Variants in ERICH6 observed in about 807,000 individuals in gnomAD.
The protein encoded by ERICH6 is glutamate rich 6.
Under a neutral mutation model 71.0 loss-of-function variants are expected in ERICH6, and 71 were observed. That is an observed-to-expected ratio of 1.00 (90% CI 0.83 to 1.22). ERICH6 has a LOEUF of 1.22. ERICH6 is among the 50% of genes most tolerant of loss of function. The probability of loss-of-function intolerance (pLI) is 0.00; values close to 1 mark genes in which losing one functional copy is unlikely to be tolerated. For synonymous variants in ERICH6, 262 were observed against 278.4 expected (o/e 0.94, Z 0.59); for missense variants, 808 against 797.2 (o/e 1.01, Z -0.16).
At chr3:150,668,307 C>T (rs756610530) in intron 12 of ERICH6, among the ~76,000 whole-genome samples, 1 of 152,122 alleles carries the variant, frequency 6.6e-6, no homozygotes, top group Non-Finnish European at 1.5e-5. Flanking sequence ...ACTCACTACA[C>T]AAGAGGCAGA....
At chr3:150,669,572 T>C in intron 11 of ERICH6, 121 bp from the exon 12 acceptor site, 1 of 1,063,594 alleles carries the variant, frequency 9.4e-7, no homozygotes, top group Middle Eastern at 2.5e-4. Flanking sequence ...AGGTACTATA[T>C]TAATACAAAA....
In ERICH6 at chr3:150,667,378, C is replaced by T. The variant is rs1218958653; in HGVS notation, c.1500-363G>A. Among the ~76,000 whole-genome samples the T allele has an allele frequency of 5.9e-5, 9 of 152,156 alleles. No homozygotes were observed. In the East Asian group the frequency reaches 1.7e-3, roughly 29 times the overall value. On this transcript the variant is annotated intron_variant, in intron 12 of 13. Coordinates refer to ENST00000295910, the MANE Select transcript of ERICH6 (RefSeq NM_152394.5). ...AAGACCAGTGCTTAGATTTTCACCA[C>T]ACCGAAATAAAGACCTGTGGCTGTA...
At chr3:150,682,931 T>A (rs1372881948) in intron 6 of ERICH6, among the ~76,000 whole-genome samples, 1 of 151,974 alleles carries the variant, frequency 6.6e-6, no homozygotes, top group Non-Finnish European at 1.5e-5. Context: ...GATTGGGAGT[T>A]AGGGGCTCAG....
intron 3 of ERICH6, among the ~76,000 whole-genome samples, chr3:150,692,994 T>C (rs1712511648): frequency 1.3e-5 from 2 of 152,258 alleles, no homozygotes; most frequent in South Asian, 4.1e-4. Flanking sequence ...ACTAAACTAA[T>C]AGAAGTCTGA....
chr3:150,681,462 G>A (rs532275752), intron 7 of ERICH6, among the ~76,000 whole-genome samples: 2 of 152,256 alleles, frequency 1.3e-5, no homozygotes, highest in South Asian at 4.1e-4. Flanking sequence ...GGACAGTCGG[G>A]TTGTTTCTAT....
In ERICH6 at chr3:150,703,676, C is replaced by T. The variant is rs190470373; in HGVS notation, c.223G>A (p.Glu75Lys). 8 of 1,613,326 alleles carry T rather than the reference C, an allele frequency of 5.0e-6. No individual in the cohort carries two copies. The Admixed American group carries it at 1.0e-4, about 20-fold the overall frequency. ...TCCGTGACCTTCCAGAGGTACTCTT[C>T]GCTGAACGTCTCAGGGGCCTCCAAC... Reference protein sequence around the residue: ...QELEAPETFSEEYLWKVTDIG... With the variant: ...QELEAPETFSKEYLWKVTDIG... The change falls in exon 1 of 14, where the codon GAA becomes AAA. Residue 75 changes from glutamate (E) to lysine (K), a missense_variant. Around this residue, in one of 3 missense-constraint regions of ERICH6, gnomAD observed 736 missense variants for 712.2 expected, o/e 1.03. Transcript: ENST00000295910.
At chr3:150,661,267 A>G (rs958546812) in intron 13 of ERICH6, among the ~76,000 whole-genome samples, 2 of 152,250 alleles carry the variant, frequency 1.3e-5, no homozygotes, top group African/African-American at 4.8e-5. Context: ...ATGGAGTCTG[A>G]GGTAAACATT....
intron 13 of ERICH6, among the ~76,000 whole-genome samples, chr3:150,665,757 G>C (rs913232390): frequency 6.6e-6 from 1 of 150,668 alleles, no homozygotes; most frequent in Admixed American, 6.6e-5. Context: ...GAACCTGGGA[G>C]GTGGAGGTTG....
chr3:150,667,740 C>A (rs866621441), intron 12 of ERICH6, among the ~76,000 whole-genome samples: 1 of 152,124 alleles, frequency 6.6e-6, no homozygotes. Context: ...ACCATCCCCA[C>A]CTTGAGGAGA....
Position 150,674,023 on chromosome 3 carries a change from A to C in ERICH6, c.1276T>G (p.Leu426Val), listed in dbSNP as rs73003074. 237,899 of 1,613,068 alleles carry C rather than the reference A, an allele frequency of 0.15. 18,390 individuals carry two copies. The highest frequency in any genetic ancestry group is 0.24 in the African/African-American group (17,872 of 74,958). The part of the protein sequence containing the change: ...ACGKVVRNEL[L>V]EKHYKHGSKF... ...CTCCCATGTTTGTAGTGCTTCTCTA[A>C]GAGCTCATTCCTGACAACCTATACA... The change falls in exon 11 of 14, where the codon TTA becomes GTA. Residue 426 changes from leucine (L) to valine (V), a missense_variant. Physicochemically the swap from Leu to Val is conservative, Grantham distance 32. Around this residue, in one of 3 missense-constraint regions of ERICH6, gnomAD observed 736 missense variants for 712.2 expected, o/e 1.03. Coordinates refer to ENST00000295910, the MANE Select transcript of ERICH6 (RefSeq NM_152394.5).
intron 3 of ERICH6, among the ~76,000 whole-genome samples, chr3:150,687,859 T>A (rs1712261025): frequency 2.7e-5 from 4 of 149,734 alleles, no homozygotes; most frequent in Admixed American, 2.6e-4. Flanking sequence ...AGCTCATGCC[T>A]GTAATCCCAG....
Position 150,703,583 on chromosome 3 carries a change from G to C in ERICH6, c.316C>G (p.Leu106Val). The C allele has an allele frequency of 1.2e-6, 2 of 1,613,994 alleles. No homozygotes were observed. The highest frequency in any genetic ancestry group is 1.7e-6 in the Non-Finnish European group (2 of 1,179,998). The change falls in exon 1 of 14, where the codon CTG becomes GTG. Residue 106 changes from leucine (L) to valine (V), a missense_variant. Transcript: ENST00000295910. ...PRLASIVSPS[L>V]TSTFVPSQSA... ...TGGCTGGGCACGAACGTAGAGGTCA[G>C]GCTAGGGCTGACGATGCTGGCTAAG...
At chr3:150,678,607 G>A in intron 9 of ERICH6, 53 bp from the exon 10 acceptor site, 1 of 1,416,000 alleles carries the variant, frequency 7.1e-7, no homozygotes, top group Non-Finnish European at 9.4e-7. Flanking sequence ...ATTTTCTAAA[G>A]CCTCTTTTCT....
intron 10 of ERICH6, among the ~76,000 whole-genome samples, chr3:150,676,931 G>C (rs1415051845): frequency 6.6e-6 from 1 of 151,814 alleles, no homozygotes; most frequent in African/African-American, 2.4e-5. Context: ...CTCTGCCTCA[G>C]CCTCCCAAGT....
Position 150,673,945 on chromosome 3 carries a change from A to G in ERICH6, c.1343+11T>C. ...TAAAGCTAATAAAAATAACTTGTTG[A>G]AAGAGGATACAATATTTGTGTTGTC... is the stretch of plus-strand genomic sequence containing the variant. On this transcript the variant is annotated intron_variant, in intron 11 of 13. Coordinates refer to ENST00000295910, the MANE Select transcript of ERICH6 (RefSeq NM_152394.5). 1 of 1,611,068 alleles carries G rather than the reference A, an allele frequency of 6.2e-7. No homozygotes were observed. The highest frequency in any genetic ancestry group is 8.5e-7 in the Non-Finnish European group (1 of 1,178,284).
intron 6 of ERICH6, among the ~76,000 whole-genome samples, chr3:150,683,340 G>A (rs780826873): frequency 6.6e-6 from 1 of 152,200 alleles, no homozygotes; most frequent in Admixed American, 6.5e-5. Flanking sequence ...GATGGAGTAG[G>A]ACAGAAAGAG....
chr3:150,660,535 C>A lies in ERICH6; in HGVS notation c.1729-380G>T, dbSNP rs568057089. Among the ~76,000 whole-genome samples the A allele has an allele frequency of 3.9e-5, 6 of 152,270 alleles. No homozygotes were observed. In the South Asian group the frequency reaches 1.0e-3, roughly 26 times the overall value. On this transcript the variant is annotated intron_variant, in intron 13 of 13. Coordinates refer to ENST00000295910, the MANE Select transcript of ERICH6 (RefSeq NM_152394.5). ...CTCACTGGGAAGGCACTGAGAAGGG[C>A]AATTTTCCGCAGAGAAGGTAGGACT...
At chr3:150,695,078 G>A (rs1216567071) in intron 3 of ERICH6, among the ~76,000 whole-genome samples, 2 of 152,130 alleles carry the variant, frequency 1.3e-5, no homozygotes, top group Admixed American at 6.5e-5. Flanking sequence ...ATCTCCAAAA[G>A]GCTCCATTTC....
chr3:150,680,763 T>C lies in ERICH6; in HGVS notation c.1040+10A>G, dbSNP rs373065703. On this transcript the variant is annotated intron_variant, in intron 8 of 13. Transcript: ENST00000295910. ...CTGTATGAGTTTCAGTATCGAAGTC[T>C]CAATGTTACCTTTGCAGGGCTTTTT... 3.8e-6 allele frequency: 6 copies of C among 1,592,806 alleles called. No homozygotes were observed. The African/African-American group carries it at 6.8e-5, about 18-fold the overall frequency.
Sources: gnomAD v4.1 joint callset for allele counts (sites outside exome capture counted in the v4.1 genomes callset) on GRCh38, gnomAD v4.1.1 for gene constraint, gnomAD v4.1.1 regional missense constraint, MANE v1.5 for transcripts, NCBI Gene and HGNC (gene_info 2026-07-23, HGNC 2026-07-21) for gene names.